The following NBAS variants were observed in gnomAD, a reference collection of about 807,000 sequenced individuals.
NBAS encodes the protein NBAS subunit of NRZ tethering complex.
NBAS carries 219 observed loss-of-function variants against 302.5 expected under a neutral mutation model. The ratio of observed to expected loss-of-function variants is 0.72; its 90% CI spans 0.65 to 0.81. NBAS has a LOEUF of 0.81. Among genes scored for constraint, NBAS ranks in the 30% least tolerant of loss-of-function variants. The pLI is 0.00. For missense variants in NBAS, 2,932 were observed against 2,841.6 expected (o/e 1.03, Z -0.72); for synonymous variants, 1,118 against 1,021.6 (o/e 1.09, Z -1.80).
intron 21 of NBAS, among the ~76,000 whole-genome samples, chr2:15,436,281 C>A (rs1361087011): frequency 1.3e-5 from 2 of 152,220 alleles, no homozygotes; most frequent in Non-Finnish European, 2.9e-5. Context: ...ATAACCCTTT[C>A]TGCATTTATC....
At chr2:15,442,929 T>C (rs894437447) in intron 21 of NBAS, among the ~76,000 whole-genome samples, 5 of 152,134 alleles carry the variant, frequency 3.3e-5, no homozygotes, top group Admixed American at 2.6e-4. Context: ...CCTCGACACA[T>C]ACACTCTCCC....
the NBAS span, among the ~76,000 whole-genome samples, chr2:15,113,593 G>A: frequency 6.6e-6 from 1 of 152,022 alleles, no homozygotes; most frequent in African/African-American, 2.4e-5. Context: ...CCAAAGATTG[G>A]ACAATCTGAG....
the NBAS span, among the ~76,000 whole-genome samples, chr2:14,845,927 C>G: frequency 6.6e-6 from 1 of 151,820 alleles, no homozygotes; most frequent in South Asian, 2.1e-4. Context: ...AAAATAGCCT[C>G]AAATGGCAAA....
intron 35 of NBAS, among the ~76,000 whole-genome samples, chr2:15,349,132 G>A (rs1673233217): frequency 6.6e-6 from 1 of 152,208 alleles, no homozygotes; most frequent in South Asian, 2.1e-4. Context: ...CATAACAGAT[G>A]TTTGAAAGGC....
chr2:15,035,938 C>T, the NBAS span, among the ~76,000 whole-genome samples: 1 of 152,184 alleles, frequency 6.6e-6, no homozygotes, highest in African/African-American at 2.4e-5. Flanking sequence ...ATAGGTGCAG[C>T]AAACCACCAT....
intron 32 of NBAS, among the ~76,000 whole-genome samples, chr2:15,361,717 G>A (rs1021266162): frequency 7.9e-5 from 12 of 152,022 alleles, no homozygotes; most frequent in South Asian, 4.2e-4. Flanking sequence ...GGTGGCTCAC[G>A]CCTGTAATCC....
intron 32 of NBAS, among the ~76,000 whole-genome samples, chr2:15,356,983 C>T (rs1194535295): frequency 1.3e-5 from 2 of 152,200 alleles, no homozygotes; most frequent in African/African-American, 4.8e-5. Context: ...AATTTTAGCA[C>T]AACTTCTGCT....
intron 44 of NBAS, among the ~76,000 whole-genome samples, chr2:15,254,851 G>A (rs1012376448): frequency 1.6e-4 from 25 of 152,106 alleles, no homozygotes; most frequent in Admixed American, 3.3e-4. Flanking sequence ...CATCCAGGTT[G>A]CTGAGAATGT....
At position 15,356,244 on chromosome 2, in the gene NBAS, T is replaced by G. The variant is rs182873914; in HGVS notation, c.3931+59A>C. ...TCAATTGATTTCAGAACAGACCTTT[T>G]CCATTATCCATCACATAAAGAGGAC... On this transcript the variant is annotated intron_variant, in intron 33 of 51. Transcript: ENST00000281513. 1.9e-4 allele frequency: 268 copies of G among 1,386,416 alleles called. 1 individual carries two copies. Among genetic ancestry groups the G allele is most frequent in the Middle Eastern group, 1.6e-3 (9 of 5,646 alleles). 85.9% of individuals were successfully genotyped at this position (1,386,416 alleles called of 1,614,324 possible). A position where few individuals can be genotyped will look rare whatever the true frequency, so the allele number is the denominator to read the frequency against.
chr2:14,888,391 A>G, the NBAS span, among the ~76,000 whole-genome samples: 1 of 151,632 alleles, frequency 6.6e-6, no homozygotes, highest in African/African-American at 2.4e-5. Flanking sequence ...TTGGCCTCCC[A>G]AAGTGCTGGG....
intron 50 of NBAS, 79 bp from the exon 51 acceptor site, chr2:15,179,195 C>T: frequency 6.2e-7 from 1 of 1,606,996 alleles, no homozygotes; most frequent in Non-Finnish European, 8.5e-7. Flanking sequence ...ATCATTCCAC[C>T]CCTTTTTCTG....
At chr2:15,115,803 T>C in the NBAS span, among the ~76,000 whole-genome samples, 1 of 151,970 alleles carries the variant, frequency 6.6e-6, no homozygotes, top group Non-Finnish European at 1.5e-5. Flanking sequence ...TGAGTCACCA[T>C]GCCCAATCAT....
At chr2:14,956,741 A>G in the NBAS span, among the ~76,000 whole-genome samples, 1 of 152,144 alleles carries the variant, frequency 6.6e-6, no homozygotes, top group African/African-American at 2.4e-5. Context: ...TGATAACAGG[A>G]TAGGGAAAAC....
At chr2:15,554,801 A>C (rs1664571471) in intron 3 of NBAS, among the ~76,000 whole-genome samples, 2 of 151,884 alleles carry the variant, frequency 1.3e-5, no homozygotes, top group Admixed American at 1.3e-4. Flanking sequence ...GGAGGATAAG[A>C]ATAAAATCTC....
intron 35 of NBAS, among the ~76,000 whole-genome samples, chr2:15,335,521 A>G (rs1357303449): frequency 6.6e-6 from 1 of 152,168 alleles, no homozygotes; most frequent in Non-Finnish European, 1.5e-5. Context: ...CATTTGAGCA[A>G]TTCTGGTAAT....
At chr2:14,993,431 T>A in the NBAS span, among the ~76,000 whole-genome samples, 1 of 152,176 alleles carries the variant, frequency 6.6e-6, no homozygotes. Context: ...CTCCCAAACC[T>A]CTCTTCTTTG....
In NBAS at chr2:15,534,544, T is replaced by C; in HGVS notation, c.745A>G (p.Arg249Gly). 1.3e-6 allele frequency: 2 copies of C among 1,596,300 alleles called. No homozygotes were observed. Among genetic ancestry groups the C allele is most frequent in the Non-Finnish European group, 8.6e-7 (1 of 1,163,480 alleles). ...INTAIYHPGH[R>G]LLLVGGCETA... ...ATATGAGAACAAATGGTTACTTACC[T>C]GTGACCAGGGTGGTAAATAGCTGTG... Residue 249 changes from arginine (R) to glycine (G), a missense_variant and splice_region_variant, in exon 9 of 52, where the codon AGA becomes GGA. By Grantham distance (125) the Arg-to-Gly change is moderately radical (BLOSUM62 -2). Transcript: ENST00000281513.
At chr2:15,279,077 G>T (rs991330884) in intron 42 of NBAS, among the ~76,000 whole-genome samples, 5 of 152,108 alleles carry the variant, frequency 3.3e-5, no homozygotes, top group Non-Finnish European at 7.4e-5. Context: ...TTCATAATTT[G>T]CAAAATGAAG....
chr2:15,241,566 G>T (rs1328637695), intron 44 of NBAS, among the ~76,000 whole-genome samples: 1 of 152,168 alleles, frequency 6.6e-6, no homozygotes, highest in Non-Finnish European at 1.5e-5. Context: ...AGTGCTTCAA[G>T]CTTTAGTTTC....
Sources: allele counts gnomAD v4.1 joint callset (sites outside exome capture counted in the v4.1 genomes callset), GRCh38; gene constraint gnomAD v4.1.1; transcripts MANE v1.5; gene names NCBI Gene and HGNC (gene_info 2026-07-23, HGNC 2026-07-21).